Variants in ATXN1 observed in about 807,000 individuals in gnomAD.
ATXN1 encodes ataxin-1.
Under a neutral mutation model 56.4 loss-of-function variants are expected in ATXN1, and 8 were observed. That is an observed-to-expected ratio of 0.14 (90% CI 0.08 to 0.26). The LOEUF is 0.26. Among genes scored for constraint, ATXN1 ranks in the 10% least tolerant of loss-of-function variants. ATXN1 has a pLI of 1.00. For synonymous variants in ATXN1, 514 were observed against 494.6 expected, an observed-to-expected ratio of 1.04 and a Z score of -0.52; for missense variants, 987 against 1,106.5, an observed-to-expected ratio of 0.89 and a Z score of 1.53.
At chr6:16,505,470 C>T (rs746854571) in intron 5 of ATXN1, among the ~76,000 whole-genome samples, 1 of 152,072 alleles carries the variant, frequency 6.6e-6, no homozygotes, top group Admixed American at 6.5e-5. Context: ...AACGCATAAA[C>T]GCATATAAGC....
chr6:16,569,635 G>A (rs954924702), intron 4 of ATXN1, among the ~76,000 whole-genome samples: 5 of 152,024 alleles, frequency 3.3e-5, no homozygotes, highest in East Asian at 1.9e-4. Context: ...GCCAAATCTC[G>A]GGTGGGGCTG....
In ATXN1 at chr6:16,760,677, C is replaced by T. The variant is rs926639728; in HGVS notation, c.-730+621G>A. Among the ~76,000 whole-genome samples the T allele has an allele frequency of 4.0e-5, 6 of 151,168 alleles. No homozygotes were observed. Among genetic ancestry groups the T allele is most frequent in the African/African-American group, 1.5e-4 (6 of 41,344 alleles). Reference sequence around the variant, plus strand: ...GAGGCCGGCCCTCCGAGGGGAGACCCCCGCCCCAGGGCGCCGAGGCCGGGC... The same window carrying T: ...GAGGCCGGCCCTCCGAGGGGAGACCTCCGCCCCAGGGCGCCGAGGCCGGGC... On this transcript the variant is annotated intron_variant, in intron 1 of 7. Transcript: ENST00000436367. The surrounding 1 kb of genome is among the most constrained non-coding windows in gnomAD (Gnocchi z 5.3).
intron 3 of ATXN1, among the ~76,000 whole-genome samples, chr6:16,642,381 C>T (rs946097670): frequency 2.6e-5 from 4 of 152,066 alleles, no homozygotes; most frequent in African/African-American, 7.2e-5. Context: ...GGTGACAGAA[C>T]GAGACTCCGT....
At position 16,340,602 on chromosome 6, in the gene ATXN1, C is replaced by T. The variant is rs925899921; in HGVS notation, c.-160-12132G>A. 5.3e-5 allele frequency among the ~76,000 whole-genome samples: 8 copies of T among 152,158 alleles called. No individual in the cohort carries two copies. The East Asian group carries it at 1.5e-3, about 29-fold the overall frequency. Reference sequence around the variant, plus strand: ...GAGTCCTTTTACTGAATTATCAAAACGGAGGGTGGTCTGGGAAACCCCCTG... The same window carrying T: ...GAGTCCTTTTACTGAATTATCAAAATGGAGGGTGGTCTGGGAAACCCCCTG... On this transcript the variant is annotated intron_variant, in intron 6 of 7. Transcript: ENST00000436367.
At chr6:16,747,220 GT>G (rs758886167) in intron 2 of ATXN1, among the ~76,000 whole-genome samples, 2 of 152,168 alleles carry the variant, frequency 1.3e-5, no homozygotes, top group African/African-American at 2.4e-5. Flanking sequence ...GCTGCTCGGT[GT>G]TTAATCTGGT....
chr6:16,482,182 C>A (rs1760453823), intron 6 of ATXN1, among the ~76,000 whole-genome samples: 1 of 152,136 alleles, frequency 6.6e-6, no homozygotes. Context: ...TTCCTAATGG[C>A]TCAGGCCCAC....
intron 5 of ATXN1, among the ~76,000 whole-genome samples, chr6:16,493,589 G>A (rs532531482): frequency 6.6e-6 from 1 of 151,916 alleles, no homozygotes; most frequent in Admixed American, 6.6e-5. Context: ...GGTAACTTCC[G>A]TAAAGGTAGG....
At chr6:16,471,841 G>A (rs899073550) in intron 6 of ATXN1, among the ~76,000 whole-genome samples, 12 of 152,098 alleles carry the variant, frequency 7.9e-5, no homozygotes, top group African/African-American at 2.9e-4. Context: ...TACCTAACAG[G>A]CCTTAACTTC....
chr6:16,370,936 TATTA>T, intron 6 of ATXN1, among the ~76,000 whole-genome samples: 1 of 152,304 alleles, frequency 6.6e-6, no homozygotes, highest in Non-Finnish European at 1.5e-5. Context: ...AGTGAGCAAA[TATTA>T]ATTGAGTCTT....
chr6:16,409,652 CAAA>C (rs542201666), intron 6 of ATXN1, among the ~76,000 whole-genome samples: 3 of 106,124 alleles, frequency 2.8e-5, no homozygotes, highest in Non-Finnish European at 1.9e-5. Context: ...GACTAGGTCT[CAAA>C]AAAAAAAAAA....
At chr6:16,375,880 G>A (rs1018144409) in intron 6 of ATXN1, among the ~76,000 whole-genome samples, 60 of 152,350 alleles carry the variant, frequency 3.9e-4, no homozygotes, top group Non-Finnish European at 1.9e-4. Flanking sequence ...GAACAGGGAA[G>A]GGGCAGGGGG....
chr6:16,383,472 A>G (rs993112854), intron 6 of ATXN1, among the ~76,000 whole-genome samples: 1 of 152,214 alleles, frequency 6.6e-6, no homozygotes, highest in Non-Finnish European at 1.5e-5. Context: ...AATGCTCAAT[A>G]TATTTATCTA....
intron 6 of ATXN1, among the ~76,000 whole-genome samples, chr6:16,366,149 G>A (rs886361286): frequency 6.6e-6 from 1 of 152,136 alleles, no homozygotes; most frequent in Non-Finnish European, 1.5e-5. Context: ...GTGATATATG[G>A]AAAAGGGGAC....
At position 16,526,064 on chromosome 6, in the gene ATXN1, T is replaced by TACACAC. The variant is rs1554113130; in HGVS notation, c.-360-3377_-360-3376insGTGTGT. ...ATCTATATATATATATATATATATATACATACATACAATCTATTTATAATG... is the reference window on the plus strand; with the variant it reads ...ATCTATATATATATATATATATATATACACACACATACATACAATCTATTTATAATG... On this transcript the variant is annotated intron_variant, in intron 4 of 7. Coordinates refer to ENST00000436367, the MANE Select transcript of ATXN1 (RefSeq NM_001128164.2). 3.0e-5 allele frequency among the ~76,000 whole-genome samples: 4 copies of TACACAC among 133,298 alleles called. No individual in the cohort carries two copies. In the East Asian group the frequency reaches 6.2e-4, roughly 21 times the overall value. The allele number at this position is 133,298 out of a possible 152,430, so 87.4% of individuals were successfully genotyped here.
intron 6 of ATXN1, among the ~76,000 whole-genome samples, chr6:16,385,299 A>G (rs968951487): frequency 3.9e-5 from 6 of 152,206 alleles, no homozygotes; most frequent in African/African-American, 1.4e-4. Context: ...TAAAAATGTC[A>G]CTCTGGTCAT....
At chr6:16,565,592 T>A (rs187121923) in intron 4 of ATXN1, among the ~76,000 whole-genome samples, 192 of 152,306 alleles carry the variant, frequency 1.3e-3, no homozygotes, top group South Asian at 3.1e-3. Context: ...AATTTCCACA[T>A]GAACCAGAAG....
intron 3 of ATXN1, among the ~76,000 whole-genome samples, chr6:16,588,911 T>C (rs537425236): frequency 2.5e-4 from 38 of 152,136 alleles, no homozygotes; most frequent in Non-Finnish European, 4.6e-4. Context: ...GAGTATGACA[T>C]CTACATTCCT....
chr6:16,379,787 C>T (rs1363747804), intron 6 of ATXN1, among the ~76,000 whole-genome samples: 1 of 152,170 alleles, frequency 6.6e-6, no homozygotes, highest in East Asian at 1.9e-4. Context: ...AATAAGTCAG[C>T]AGCAACTCAC....
chr6:16,449,660 G>A (rs910830944), intron 6 of ATXN1, among the ~76,000 whole-genome samples: 4 of 152,142 alleles, frequency 2.6e-5, no homozygotes, highest in Non-Finnish European at 5.9e-5. Flanking sequence ...CATTGTTAGC[G>A]ATATCAGCTT....
Sources: gnomAD v4.1 joint callset for allele counts (sites outside exome capture counted in the v4.1 genomes callset) on GRCh38, gnomAD v4.1.1 for gene constraint, Gnocchi (gnomAD v3.1) non-coding constraint, MANE v1.5 for transcripts, NCBI Gene and HGNC (gene_info 2026-07-23, HGNC 2026-07-21) for gene names.